ERBB4: variants seen among roughly 807,000 people sequenced by gnomAD.
The protein encoded by ERBB4 is erb-b2 receptor tyrosine kinase 4, also known as receptor tyrosine-protein kinase erbB-4.
Under a neutral mutation model 158.0 loss-of-function variants are expected in ERBB4, and 42 were observed. That is an observed-to-expected ratio of 0.27 (90% CI 0.21 to 0.34). The LOEUF (loss-of-function observed/expected upper bound fraction) is 0.34, where lower values mean the gene tolerates loss of function less well. ERBB4 is among the 10% of genes least tolerant of loss of function. The pLI is 1.00. For missense variants in ERBB4, 1,333 were observed against 1,624.1 expected, an observed-to-expected ratio of 0.82 and a Z score of 3.08; for synonymous variants, 583 against 558.7, an observed-to-expected ratio of 1.04 and a Z score of -0.61.
chr2:212,358,411 G>A (rs1332471925), intron 1 of ERBB4, among the ~76,000 whole-genome samples: 1 of 151,420 alleles, frequency 6.6e-6, no homozygotes, highest in Non-Finnish European at 1.5e-5. Context: ...CACAGACAAG[G>A]AAGGTACACT....
intron 25 of ERBB4, among the ~76,000 whole-genome samples, chr2:211,402,410 A>AAATTCTTAC (rs2063064002): frequency 1.3e-5 from 2 of 152,078 alleles, no homozygotes. Context: ...CTGATCTTTT[A>AAATTCTTAC]AATTCTTACT....
At chr2:211,984,052 A>G (rs180699943) in intron 2 of ERBB4, among the ~76,000 whole-genome samples, 15 of 152,312 alleles carry the variant, frequency 9.8e-5, no homozygotes, top group South Asian at 2.1e-4. Flanking sequence ...ATCTAAGATA[A>G]AATCCAAGAG....
In ERBB4 at chr2:211,472,155, G is replaced by T. The variant is rs372794698; in HGVS notation, c.2488-41055C>A. 3.7e-4 allele frequency among the ~76,000 whole-genome samples: 57 copies of T among 152,098 alleles called. No individual in the cohort carries two copies. In the South Asian group the frequency reaches 0.011, roughly 30 times the overall value. ...AGGTAGACAGACAAGTGTGAAGGTT[G>T]TTGCAGCATTACAGGCAAGACGTGG... On this transcript the variant is annotated intron_variant, in intron 20 of 27. Transcript: ENST00000342788.
chr2:211,985,579 C>T (rs548014360), intron 2 of ERBB4, among the ~76,000 whole-genome samples: 1 of 152,142 alleles, frequency 6.6e-6, no homozygotes, highest in East Asian at 1.9e-4. Context: ...GTACTAAAAA[C>T]ATCTAAATGC....
At chr2:211,387,502 T>C (rs1177003211) in intron 26 of ERBB4, among the ~76,000 whole-genome samples, 1 of 152,218 alleles carries the variant, frequency 6.6e-6, no homozygotes, top group East Asian at 1.9e-4. Context: ...TCATTAATTA[T>C]AGACAGTTGT....
At chr2:211,930,531 T>C (rs1488888110) in intron 3 of ERBB4, among the ~76,000 whole-genome samples, 1 of 152,178 alleles carries the variant, frequency 6.6e-6, no homozygotes, top group Non-Finnish European at 1.5e-5. Flanking sequence ...AAGTCTATTC[T>C]GCAGGTGTCT....
chr2:212,340,618 C>T (rs2088662799), intron 1 of ERBB4, among the ~76,000 whole-genome samples: 1 of 152,174 alleles, frequency 6.6e-6, no homozygotes, highest in Non-Finnish European at 1.5e-5. Context: ...GAATCTAATA[C>T]TACTGCTGAT....
intron 2 of ERBB4, among the ~76,000 whole-genome samples, chr2:212,051,161 C>T (rs1475753356): frequency 6.6e-6 from 1 of 152,098 alleles, no homozygotes. Context: ...CTCTTCTAAG[C>T]TTTGAAAGGT....
chr2:211,681,242 T>C (rs1200783226), intron 12 of ERBB4, among the ~76,000 whole-genome samples: 3 of 152,224 alleles, frequency 2.0e-5, no homozygotes, highest in Non-Finnish European at 4.4e-5. Context: ...ATGAAATTTA[T>C]AATCCATTCA....
chr2:212,012,186 C>T (rs1161288245), intron 2 of ERBB4, among the ~76,000 whole-genome samples: 2 of 152,208 alleles, frequency 1.3e-5, no homozygotes, highest in Admixed American at 6.5e-5. Context: ...ATCCTTTTCA[C>T]ATGACCCCAG....
At chr2:211,413,271 C>T (rs1452004340) in intron 25 of ERBB4, among the ~76,000 whole-genome samples, 1 of 139,634 alleles carries the variant, frequency 7.2e-6, no homozygotes, top group African/African-American at 2.6e-5. Context: ...TGTGCCACTG[C>T]ACTCTGGCTT....
At chr2:211,689,099 A>C (rs2105990334) in intron 12 of ERBB4, among the ~76,000 whole-genome samples, 1 of 152,282 alleles carries the variant, frequency 6.6e-6, no homozygotes, top group African/African-American at 2.4e-5. Context: ...TGTTATATTA[A>C]TTTTGAACCA....
At chr2:211,445,852 G>T (rs1022192276) in intron 20 of ERBB4, among the ~76,000 whole-genome samples, 1 of 152,112 alleles carries the variant, frequency 6.6e-6, no homozygotes, top group Non-Finnish European at 1.5e-5. Context: ...TTTATATGAT[G>T]CATGAGAGGA....
At chr2:212,097,532 A>C (rs2078965857) in intron 2 of ERBB4, among the ~76,000 whole-genome samples, 1 of 152,172 alleles carries the variant, frequency 6.6e-6, no homozygotes, top group Non-Finnish European at 1.5e-5. Flanking sequence ...ATGTGGATTT[A>C]AGAGATAGAT....
At chr2:211,872,225 T>A (rs2078367702) in intron 3 of ERBB4, among the ~76,000 whole-genome samples, 1 of 152,244 alleles carries the variant, frequency 6.6e-6, no homozygotes, top group Non-Finnish European at 1.5e-5. Context: ...TTTGATCTTG[T>A]TATAATTCAT....
intron 1 of ERBB4, among the ~76,000 whole-genome samples, chr2:212,326,800 CA>C (rs1560026295): frequency 6.6e-6 from 1 of 150,596 alleles, no homozygotes; most frequent in South Asian, 2.1e-4. Flanking sequence ...ATTCTAGATC[CA>C]AAAGAAAAAT....
intron 1 of ERBB4, among the ~76,000 whole-genome samples, chr2:212,252,347 T>C (rs1487190415): frequency 6.6e-6 from 1 of 151,974 alleles, no homozygotes; most frequent in Non-Finnish European, 1.5e-5. Flanking sequence ...GTAGGAGGAA[T>C]TTTGGTGTCA....
chr2:212,055,008 C>T (rs1393090303), intron 2 of ERBB4, among the ~76,000 whole-genome samples: 1 of 152,146 alleles, frequency 6.6e-6, no homozygotes, highest in African/African-American at 2.4e-5. Flanking sequence ...GAGGTATCTC[C>T]TCACCCGGGA....
intron 1 of ERBB4, among the ~76,000 whole-genome samples, chr2:212,374,102 A>G (rs1288043946): frequency 1.4e-5 from 2 of 146,222 alleles, no homozygotes; most frequent in Non-Finnish European, 3.0e-5. Context: ...ATATATATAT[A>G]TACACACACA....
Sources: allele counts gnomAD v4.1 joint callset (sites outside exome capture counted in the v4.1 genomes callset), GRCh38; gene constraint gnomAD v4.1.1; transcripts MANE v1.5; gene names NCBI Gene and HGNC (gene_info 2026-07-23, HGNC 2026-07-21).